Variants in MYO3B observed in about 807,000 individuals in gnomAD.
The protein encoded by MYO3B is myosin IIIB, also known as myosin-IIIb.
Under a neutral mutation model 174.6 loss-of-function variants are expected in MYO3B, and 156 were observed. The observed-to-expected ratio is 0.89, with a 90% CI of 0.78 to 1.02. The LOEUF is 1.02. MYO3B is among the 50% of genes least tolerant of loss of function. The pLI, the probability that MYO3B is intolerant of heterozygous loss-of-function variation, is 0.00. For missense variants in MYO3B, 1,632 were observed against 1,639.4 expected (o/e 1.00, Z 0.08); for synonymous variants, 563 against 569.1 (o/e 0.99, Z 0.15).
intron 32 of MYO3B, among the ~76,000 whole-genome samples, chr2:170,580,274 T>C (rs1425901883): frequency 6.6e-6 from 1 of 152,232 alleles, no homozygotes; most frequent in Non-Finnish European, 1.5e-5. Context: ...TATGATTTTT[T>C]CTTATTCAAA....
At position 170,395,319 on chromosome 2, in the gene MYO3B, G is replaced by T. The variant is rs559800197; in HGVS notation, c.1791+2824G>T. 3.9e-5 allele frequency among the ~76,000 whole-genome samples: 6 copies of T among 152,278 alleles called. No homozygotes were observed. In the East Asian group the frequency reaches 1.2e-3, roughly 29 times the overall value. ...GTTTAAAATTATATTTGTCTTCCTGGTAGGAATTAACATATTACATAAATT... is the reference window on the plus strand; with the variant it reads ...GTTTAAAATTATATTTGTCTTCCTGTTAGGAATTAACATATTACATAAATT... On this transcript the variant is annotated intron_variant, in intron 16 of 34. Coordinates refer to ENST00000408978, the MANE Select transcript of MYO3B (RefSeq NM_138995.5).
chr2:170,325,448 T>C (rs1032740379), intron 7 of MYO3B, among the ~76,000 whole-genome samples: 4 of 152,194 alleles, frequency 2.6e-5, no homozygotes, highest in Admixed American at 2.6e-4. Flanking sequence ...CCTCAGGTGA[T>C]CCACCCGCCT....
At chr2:170,274,176 G>T (rs2093446123) in intron 7 of MYO3B, among the ~76,000 whole-genome samples, 1 of 152,038 alleles carries the variant, frequency 6.6e-6, no homozygotes, top group African/African-American at 2.4e-5. Context: ...GAGAGAGAGA[G>T]AGACACTGAG....
At chr2:170,482,391 G>A (rs1251680663) in intron 25 of MYO3B, among the ~76,000 whole-genome samples, 1 of 152,150 alleles carries the variant, frequency 6.6e-6, no homozygotes, top group Admixed American at 6.5e-5. Context: ...CTGACTTCAG[G>A]TGATCTGCCT....
At chr2:170,456,342 T>C (rs1431484569) in intron 23 of MYO3B, among the ~76,000 whole-genome samples, 2 of 152,144 alleles carry the variant, frequency 1.3e-5, no homozygotes, top group African/African-American at 4.8e-5. Context: ...AATGAAAAAC[T>C]CAGGGAAGGG....
intron 17 of MYO3B, 129 bp downstream of exon 17, chr2:170,400,443 T>C: frequency 8.5e-7 from 1 of 1,173,972 alleles, no homozygotes; most frequent in Non-Finnish European, 1.2e-6. Flanking sequence ...TCTCACTCTG[T>C]CATCCAGGCT....
intron 32 of MYO3B, among the ~76,000 whole-genome samples, chr2:170,615,843 T>G (rs1695431531): frequency 6.6e-6 from 1 of 152,108 alleles, no homozygotes; most frequent in African/African-American, 2.4e-5. Flanking sequence ...ATTATTAAGT[T>G]TAGTGAGGGT....
intron 25 of MYO3B, among the ~76,000 whole-genome samples, chr2:170,476,808 G>A (rs933531341): frequency 6.6e-6 from 1 of 151,838 alleles, no homozygotes; most frequent in Non-Finnish European, 1.5e-5. Context: ...GACCATTGCC[G>A]GGGAACCATC....
chr2:170,619,826 A>C (rs188018504), intron 32 of MYO3B, among the ~76,000 whole-genome samples: 11 of 133,382 alleles, frequency 8.2e-5, no homozygotes, highest in Non-Finnish European at 1.1e-4. Flanking sequence ...AGCTCACTGC[A>C]ACCTCTGCCT....
At chr2:170,193,748 A>G (rs557860372) in intron 1 of MYO3B, among the ~76,000 whole-genome samples, 2 of 152,234 alleles carry the variant, frequency 1.3e-5, no homozygotes, top group East Asian at 3.9e-4. Flanking sequence ...TCAATTATCT[A>G]TTGCCTACTT....
intron 22 of MYO3B, among the ~76,000 whole-genome samples, chr2:170,437,054 T>C (rs1446771245): frequency 6.6e-6 from 1 of 152,138 alleles, no homozygotes; most frequent in African/African-American, 2.4e-5. Flanking sequence ...ATAACTCTTA[T>C]GGGAGGAAAA....
At chr2:170,357,248 A>G (rs998014674) in intron 8 of MYO3B, among the ~76,000 whole-genome samples, 3 of 151,394 alleles carry the variant, frequency 2.0e-5, no homozygotes, top group South Asian at 2.1e-4. Flanking sequence ...CGGAGGTTGC[A>G]GTGAGCCAAG....
intron 30 of MYO3B, among the ~76,000 whole-genome samples, chr2:170,534,886 C>T (rs1049315563): frequency 5.9e-5 from 9 of 152,306 alleles, no homozygotes; most frequent in South Asian, 4.1e-4. Flanking sequence ...CTAACCTCTA[C>T]GTGCCATAAC....
At chr2:170,502,382 G>A (rs138424220) in intron 28 of MYO3B, among the ~76,000 whole-genome samples, 1 of 152,334 alleles carries the variant, frequency 6.6e-6, no homozygotes, top group East Asian at 1.9e-4. Context: ...TCACAGAGGA[G>A]GAATCACTCA....
chr2:170,315,598 G>A (rs1324633562), intron 7 of MYO3B, among the ~76,000 whole-genome samples: 2 of 152,154 alleles, frequency 1.3e-5, no homozygotes, highest in East Asian at 3.9e-4. Flanking sequence ...GAGCCATCGT[G>A]CCCGGCCTTA....
chr2:170,582,342 G>A (rs764271948), intron 32 of MYO3B, among the ~76,000 whole-genome samples: 3 of 152,172 alleles, frequency 2.0e-5, no homozygotes, highest in Non-Finnish European at 2.9e-5. Flanking sequence ...TAAAGGCTTC[G>A]TGGCAAATGT....
At chr2:170,521,930 T>C (rs1024885009) in intron 30 of MYO3B, among the ~76,000 whole-genome samples, 3 of 152,214 alleles carry the variant, frequency 2.0e-5, no homozygotes, top group Non-Finnish European at 4.4e-5. Flanking sequence ...TTTATGTTCA[T>C]CAGACTCTGC....
At chr2:170,550,060 T>C (rs1250011060) in intron 32 of MYO3B, among the ~76,000 whole-genome samples, 1 of 152,196 alleles carries the variant, frequency 6.6e-6, no homozygotes, top group Non-Finnish European at 1.5e-5. Context: ...AATTCATGAC[T>C]GAATGTCACA....
At chr2:170,603,956 A>G (rs73978736) in intron 32 of MYO3B, among the ~76,000 whole-genome samples, 4,729 of 152,240 alleles carry the variant, frequency 0.031, 267 homozygotes, top group African/African-American at 0.11. Flanking sequence ...TAGATACACA[A>G]TTTTTTACCA....
Sources: gnomAD v4.1 joint callset for allele counts (sites outside exome capture counted in the v4.1 genomes callset) on GRCh38, gnomAD v4.1.1 for gene constraint, MANE v1.5 for transcripts, NCBI Gene and HGNC (gene_info 2026-07-23, HGNC 2026-07-21) for gene names.